The following MVD variants were observed in gnomAD, a reference collection of about 807,000 sequenced individuals.
MVD encodes mevalonate diphosphate decarboxylase.
In MVD, 52 loss-of-function variants were observed where a neutral mutation model predicts 42.4. The ratio of observed to expected loss-of-function variants is 1.23; its 90% confidence interval spans 0.98 to 1.55. The LOEUF (loss-of-function observed/expected upper bound fraction) is 1.55, where lower values mean the gene tolerates loss of function less well. Ranked by LOEUF, MVD falls within the 40% of genes most tolerant of loss-of-function variation. The pLI is 0.00. For missense variants in MVD, 663 were observed against 572.1 expected (o/e 1.16, Z -1.62); for synonymous variants, 287 against 243.2 (o/e 1.18, Z -1.68).
Position 88,652,409 on chromosome 16 carries a change from C to T in MVD, c.*116G>A, listed in dbSNP as rs1907623185. The T allele has an allele frequency of 4.2e-6, 5 of 1,193,898 alleles. No individual in the cohort carries two copies. Among genetic ancestry groups the T allele is most frequent in the Admixed American group, 2.0e-5 (1 of 50,390 alleles). The allele number at this position is 1,193,898 out of a possible 1,614,324, so 74.0% of individuals were successfully genotyped here. Reference sequence around the variant, plus strand: ...GCCCCACAGCAAGCTGCCCATGGGCCCGGGGTCAAGCCACCACCCACATGT... The same window carrying T: ...GCCCCACAGCAAGCTGCCCATGGGCTCGGGGTCAAGCCACCACCCACATGT... On this transcript the variant is annotated 3_prime_UTR_variant, in exon 10 of 10. Coordinates refer to ENST00000301012, the MANE Select transcript of MVD (RefSeq NM_002461.3).
Position 88,657,941 on chromosome 16 carries a change from G to C in MVD, c.230C>G (p.Pro77Arg). 6.2e-7 allele frequency: 1 copy of C among 1,613,748 alleles called. No homozygotes were observed. Among genetic ancestry groups the C allele is most frequent in the Non-Finnish European group, 8.5e-7 (1 of 1,180,002 alleles). Reference protein sequence around the residue: ...LNGREEDVGQPRLQACLREIR... With the variant: ...LNGREEDVGQRRLQACLREIR... ...CTCCCGCAGGCAGGCCTGCAGCCGCGGCTGCCCCACATCCTCCTCCCGGCC... is the reference window on the plus strand; with the variant it reads ...CTCCCGCAGGCAGGCCTGCAGCCGCCGCTGCCCCACATCCTCCTCCCGGCC... The change falls in exon 3 of 10, where the codon CCG becomes CGG. Residue 77 changes from proline (P) to arginine (R), a missense_variant. Coordinates refer to ENST00000301012, the MANE Select transcript of MVD (RefSeq NM_002461.3).
intron 2 of MVD, 66 bp from the exon 3 acceptor site, chr16:88,658,095 T>C (rs911300577): frequency 5.3e-6 from 8 of 1,501,470 alleles, no homozygotes; most frequent in African/African-American, 2.8e-5. Flanking sequence ...CAGGTACCCC[T>C]TTCTACTGAG....
chr16:88,655,243 T>C lies in MVD; in HGVS notation c.853A>G (p.Ile285Val). The part of the protein sequence containing the change: ...SYLNAISWRI[I>V]HLVHRFNAHH... ...GCGTTGAAGCGGTGCACCAGGTGGA[T>C]GATGCGCCAGGAGATGGCATTGAGG... The change falls in exon 7 of 10, where the codon ATC (isoleucine) becomes GTC (valine). Residue 285 changes from isoleucine to valine, a missense_variant. Coordinates refer to ENST00000301012, the MANE Select transcript of MVD (RefSeq NM_002461.3). 6.3e-7 allele frequency: 1 copy of C among 1,583,846 alleles called. No homozygotes were observed. The highest frequency in any genetic ancestry group is 8.6e-7 in the Non-Finnish European group (1 of 1,165,190).
At chr16:88,655,964 A>T in intron 5 of MVD, 141 bp downstream of exon 5, 1 of 1,258,750 alleles carries the variant, frequency 7.9e-7, no homozygotes, top group Non-Finnish European at 1.1e-6. Flanking sequence ...GCACTCAACC[A>T]CGCTTCTGTT....
At chr16:88,657,138 G>T (rs746122195) in intron 4 of MVD, 11 of 601,982 alleles carry the variant, frequency 1.8e-5, no homozygotes, top group Non-Finnish European at 2.5e-5. Flanking sequence ...GATGGGGGGG[G>T]GTCTCACTAT....
chr16:88,661,989 G>C (rs1378152123), intron 1 of MVD: 5 of 151,532 alleles, frequency 3.3e-5, no homozygotes, highest in Non-Finnish European at 5.9e-5. Context: ...CATAGAAAGA[G>C]AGAGAGAGAC....
At chr16:88,659,912 A>C (rs59865398) in intron 1 of MVD, among the ~76,000 whole-genome samples, 2,314 of 151,356 alleles carry the variant, frequency 0.015, 60 homozygotes, top group African/African-American at 0.053. Context: ...GGTTGCACTG[A>C]GCCGAGATGG....
intron 1 of MVD, among the ~76,000 whole-genome samples, chr16:88,661,477 G>A (rs908256633): frequency 2.0e-5 from 3 of 152,000 alleles, no homozygotes; most frequent in African/African-American, 7.3e-5. Flanking sequence ...GCCCACCTCA[G>A]CCTCCCCAAG....
intron 7 of MVD, 131 bp downstream of exon 7, chr16:88,655,068 G>T: frequency 2.6e-6 from 3 of 1,156,234 alleles, no homozygotes; most frequent in Non-Finnish European, 3.7e-6. Context: ...AGTGAGCTTC[G>T]CACACAGCAG....
chr16:88,657,136 G>GC (rs750530932), intron 4 of MVD: 9 of 599,252 alleles, frequency 1.5e-5, no homozygotes, highest in Admixed American at 2.3e-5. Context: ...GAGATGGGGG[G>GC]GGGTCTCACT....
At chr16:88,658,791 C>T in intron 1 of MVD, 71 bp from the exon 2 acceptor site, 1 of 1,001,296 alleles carries the variant, frequency 1.0e-6, no homozygotes. Context: ...CCCACAGGTG[C>T]CCCCACCCCC....
At chr16:88,655,996 A>T (rs988129575) in intron 5 of MVD, 109 bp downstream of exon 5, 1 of 1,423,760 alleles carries the variant, frequency 7.0e-7, no homozygotes, top group African/African-American at 1.4e-5. Flanking sequence ...CGCTGACCCC[A>T]GGAGCCAAGC....
chr16:88,658,551 G>A (rs1908086374), intron 2 of MVD, 99 bp downstream of exon 2: 2 of 1,187,884 alleles, frequency 1.7e-6, no homozygotes, highest in Non-Finnish European at 2.4e-6. Flanking sequence ...CCCAAGTGCT[G>A]GGATTGCAGA....
In MVD at chr16:88,662,995, G is replaced by A. The variant is rs748028233; in HGVS notation, c.70+16C>T. 6.3e-7 allele frequency: 1 copy of A among 1,592,352 alleles called. No homozygotes were observed. The highest frequency in any genetic ancestry group is 1.7e-5 in the Admixed American group (1 of 57,432). Reference sequence around the variant, plus strand: ...CTCCCGGCCATCCCCGTCCCAGGCCGGCCCGCGGCACTCACAGTACTTGAT... The same window carrying A: ...CTCCCGGCCATCCCCGTCCCAGGCCAGCCCGCGGCACTCACAGTACTTGAT... On this transcript the variant is annotated intron_variant, in intron 1 of 9. Transcript: ENST00000301012.
In MVD at chr16:88,663,072, C is replaced by T; in HGVS notation, c.9G>A (p.Ser3=). The change falls in exon 1 of 10, where the codon TCG becomes TCA. Residue 3 remains serine, a synonymous_variant. Coordinates refer to ENST00000301012, the MANE Select transcript of MVD (RefSeq NM_002461.3). MA[S]EKPLAAVTCT... The stretch of plus-strand genomic sequence containing the variant: ...AAGTGACTGCCGCCAGCGGCTTCTC[C>T]GAGGCCATGGTCCCACCGCGCAGTG... 6.2e-7 allele frequency: 1 copy of T among 1,609,552 alleles called. No individual in the cohort carries two copies. The highest frequency in any genetic ancestry group is 8.5e-7 in the Non-Finnish European group (1 of 1,178,722).
At position 88,652,618 on chromosome 16, in the gene MVD, A is replaced by G. The variant is rs150482961; in HGVS notation, c.1123-13T>C. 110 of 1,551,672 alleles carry G rather than the reference A, an allele frequency of 7.1e-5. 2 individuals are homozygous for G. In the African/African-American group the frequency reaches 1.1e-3, roughly 16 times the overall value. On this transcript the variant is annotated splice_polypyrimidine_tract_variant and intron_variant, in intron 9 of 9. Transcript: ENST00000301012. ...GCCCTGGCCCCACCTGGGGATAGAA[A>G]TCCATGTCAGGTCACCAGGAATGGC...
At chr16:88,655,768 G>T in intron 5 of MVD, 38 bp from the exon 6 acceptor site, 1 of 1,546,032 alleles carries the variant, frequency 6.5e-7, no homozygotes. Context: ...ACACCCTGCA[G>T]GGGGCCAGCC....
rs542797643 is a variant in MVD, at chr16:88,655,110, C to T, written c.897+89G>A. On this transcript the variant is annotated intron_variant, in intron 7 of 9. Transcript: ENST00000301012. ...GCTTTCAGACACAGATTGCCCTGCA[C>T]GCGAGCCCCGGGGCCGTCTCCACGG... 1.5e-5 allele frequency: 21 copies of T among 1,426,408 alleles called. 1 individual carries two copies. Among genetic ancestry groups the T allele is most frequent in the South Asian group, 8.6e-5 (7 of 81,110 alleles). The allele number at this position is 1,426,408 out of a possible 1,614,324, so 88.4% of individuals were successfully genotyped here. A position where few individuals can be genotyped will look rare whatever the true frequency, so the allele number is the denominator to read the frequency against.
In MVD at chr16:88,657,490, TGTTCACC is replaced by T. The variant is rs1908005023; in HGVS notation, c.342_348del (p.Val115ThrfsTer18). On this transcript the variant is annotated frameshift_variant, in exon 4 of 10. Coordinates refer to ENST00000301012, the MANE Select transcript of MVD (RefSeq NM_002461.3). LOFTEE classifies it high-confidence loss of function. ...GCCAGGCCCGCAGCCGTGGGGAAGT[TGTTCACC>T]GATGCCACGTGCACCTTGCAGCTGA... 1.2e-6 allele frequency: 2 copies of T among 1,612,714 alleles called. No individual in the cohort carries two copies. The highest frequency in any genetic ancestry group is 2.7e-5 in the African/African-American group (2 of 75,054).
Sources: allele counts gnomAD v4.1 joint callset (sites outside exome capture counted in the v4.1 genomes callset), GRCh38; gene constraint gnomAD v4.1.1; transcripts MANE v1.5; gene names NCBI Gene and HGNC (gene_info 2026-07-23, HGNC 2026-07-21).